The following ITFG1 variants were observed in gnomAD, a reference collection of about 807,000 sequenced individuals.
ITFG1 encodes the protein T-cell immunomodulatory protein.
ITFG1 carries 34 observed loss-of-function variants against 81.8 expected under a neutral mutation model. The ratio of observed to expected loss-of-function variants is 0.42; its 90% confidence interval spans 0.32 to 0.55. ITFG1 has a LOEUF of 0.55. Among genes scored for constraint, ITFG1 ranks in the 20% least tolerant of loss-of-function variants. The probability of loss-of-function intolerance (pLI) is 0.17; values close to 1 mark genes in which losing one functional copy is unlikely to be tolerated. For synonymous variants in ITFG1, 285 were observed against 270.6 expected, an observed-to-expected ratio of 1.05 and a Z score of -0.52; for missense variants, 672 against 755.4, an observed-to-expected ratio of 0.89 and a Z score of 1.29.
At chr16:47,432,108 A>C (rs1236584051) in intron 5 of ITFG1, among the ~76,000 whole-genome samples, 1 of 152,196 alleles carries the variant, frequency 6.6e-6, no homozygotes, top group African/African-American at 2.4e-5. Context: ...CACAATGCCT[A>C]ACCAGGACCT....
chr16:47,269,383 C>A (rs1966311786), intron 10 of ITFG1, among the ~76,000 whole-genome samples: 1 of 150,820 alleles, frequency 6.6e-6, no homozygotes, highest in South Asian at 2.1e-4. Flanking sequence ...GTGGGTCACA[C>A]CTACATGTAA....
At chr16:47,451,697 G>A (rs1031888781) in intron 4 of ITFG1, among the ~76,000 whole-genome samples, 1 of 152,174 alleles carries the variant, frequency 6.6e-6, no homozygotes, top group Non-Finnish European at 1.5e-5. Flanking sequence ...GGCTTGCCAT[G>A]GCAATGAGAA....
rs556501271 is a variant in ITFG1, at chr16:47,435,194, GA to G, written c.561-6297del. 1.4e-4 allele frequency among the ~76,000 whole-genome samples: 21 copies of G among 152,042 alleles called. No homozygotes were observed. The East Asian group carries it at 3.5e-3, about 25-fold the overall frequency. Reference sequence around the variant, plus strand: ...TGTATCCCTGAACTTAAAAGCTAAAGAAAAAAAGTTGCTCTTTGTACAAATT... The same window carrying G: ...TGTATCCCTGAACTTAAAAGCTAAAGAAAAAAGTTGCTCTTTGTACAAATT... On this transcript the variant is annotated intron_variant, in intron 5 of 17. Coordinates refer to ENST00000320640, the MANE Select transcript of ITFG1 (RefSeq NM_030790.5).
intron 14 of ITFG1, among the ~76,000 whole-genome samples, chr16:47,176,746 T>C (rs770861300): frequency 1.3e-5 from 2 of 152,214 alleles, no homozygotes; most frequent in Non-Finnish European, 2.9e-5. Flanking sequence ...CAGGATGGGA[T>C]GGAGAAAGAG....
chr16:47,182,370 T>A (rs535062953), intron 14 of ITFG1, among the ~76,000 whole-genome samples: 2 of 150,644 alleles, frequency 1.3e-5, no homozygotes, highest in African/African-American at 5.0e-5. Context: ...ACAACTGTTA[T>A]TACTTAGGTG....
At chr16:47,292,256 C>T (rs1024025195) in intron 10 of ITFG1, among the ~76,000 whole-genome samples, 1 of 152,180 alleles carries the variant, frequency 6.6e-6, no homozygotes, top group African/African-American at 2.4e-5. Flanking sequence ...TCGTGATCCA[C>T]CTGCCTTGGC....
chr16:47,320,286 A>C (rs2151568172), intron 8 of ITFG1, among the ~76,000 whole-genome samples: 1 of 152,338 alleles, frequency 6.6e-6, no homozygotes, highest in South Asian at 2.1e-4. Context: ...AAAATTAAGA[A>C]AATTATTCTT....
chr16:47,444,375 T>G (rs1969295650), intron 5 of ITFG1, among the ~76,000 whole-genome samples: 2 of 152,184 alleles, frequency 1.3e-5, no homozygotes, highest in South Asian at 4.1e-4. Flanking sequence ...TTCAGTAAAT[T>G]TATGTGCATA....
chr16:47,263,355 GCTACCAAGCCAT>G, intron 10 of ITFG1: 2 of 480,632 alleles, frequency 4.2e-6, no homozygotes, highest in Non-Finnish European at 8.5e-6. Context: ...CATGAGGTAA[GCTACCAAGCCAT>G]CTACCAAGCC....
chr16:47,389,148 C>T (rs1001730150), intron 6 of ITFG1, among the ~76,000 whole-genome samples: 11 of 152,094 alleles, frequency 7.2e-5, no homozygotes, highest in Non-Finnish European at 1.2e-4. Flanking sequence ...GAACCTTTTT[C>T]GGTCTGACTG....
At chr16:47,179,098 G>A (rs1318030941) in intron 14 of ITFG1, among the ~76,000 whole-genome samples, 1 of 152,122 alleles carries the variant, frequency 6.6e-6, no homozygotes, top group Non-Finnish European at 1.5e-5. Flanking sequence ...AGAGGATGTG[G>A]AGAAATAGGA....
intron 8 of ITFG1, among the ~76,000 whole-genome samples, chr16:47,327,353 A>C (rs909182232): frequency 2.0e-5 from 3 of 152,216 alleles, no homozygotes; most frequent in Non-Finnish European, 4.4e-5. Flanking sequence ...TACATGTTAG[A>C]CCTAAAACCA....
Position 47,439,153 on chromosome 16 carries a change from C to A in ITFG1, c.561-10255G>T, listed in dbSNP as rs143815883. Among the ~76,000 whole-genome samples, 7 of 152,172 alleles carry A rather than the reference C, an allele frequency of 4.6e-5. No individual in the cohort carries two copies. In the South Asian group the frequency reaches 6.2e-4, roughly 14 times the overall value. On this transcript the variant is annotated intron_variant, in intron 5 of 17. Transcript: ENST00000320640. ...TTAGAGAAAAAAGAATAGAAAGAAA[C>A]GAGCAAAGCCTCCAAGAAATATGGG...
Position 47,258,849 on chromosome 16 carries a change from T to G in ITFG1, c.1222-109A>C, listed in dbSNP as rs545839777. The G allele has an allele frequency of 7.8e-6, 4 of 511,800 alleles. No homozygotes were observed. The South Asian group carries it at 1.0e-4, about 13-fold the overall frequency. The allele number at this position is 511,800 out of a possible 1,614,324, so 31.7% of individuals were successfully genotyped here. On this transcript the variant is annotated intron_variant, in intron 11 of 17. Transcript: ENST00000320640. ...GTTTATAAAGTAAATGTAGCCTTAT[T>G]TATTCATCCTCATGTTTAAAATAAA...
At position 47,450,178 on chromosome 16, in the gene ITFG1, G is replaced by C. The variant is rs552327919; in HGVS notation, c.560+1218C>G. The C allele has an allele frequency of 2.9e-5, 5 of 171,450 alleles. No individual in the cohort carries two copies. In the South Asian group the frequency reaches 4.3e-4, roughly 15 times the overall value. The allele number at this position is 171,450 out of a possible 1,614,324, so 10.6% of individuals were successfully genotyped here. A position where few individuals can be genotyped will look rare whatever the true frequency, so the allele number is the denominator to read the frequency against. On this transcript the variant is annotated intron_variant, in intron 5 of 17. Coordinates refer to ENST00000320640, the MANE Select transcript of ITFG1 (RefSeq NM_030790.5). The stretch of plus-strand genomic sequence containing the variant: ...CCTGCACTCAATTCCTCTTGGATAC[G>C]GCCACAAAAGCAAATCAGGATCTCC...
At chr16:47,408,908 T>C (rs1214977847) in intron 6 of ITFG1, among the ~76,000 whole-genome samples, 2 of 152,146 alleles carry the variant, frequency 1.3e-5, no homozygotes, top group South Asian at 2.1e-4. Flanking sequence ...ATTTTTACCA[T>C]ATTAAAAATT....
intron 10 of ITFG1, among the ~76,000 whole-genome samples, chr16:47,282,816 A>C (rs1301682087): frequency 6.6e-6 from 1 of 152,066 alleles, no homozygotes; most frequent in Admixed American, 6.6e-5. Flanking sequence ...TTGTGGTTTT[A>C]ATTCTTATTT....
At chr16:47,404,714 AT>A (rs1306047267) in intron 6 of ITFG1, among the ~76,000 whole-genome samples, 3 of 151,612 alleles carry the variant, frequency 2.0e-5, no homozygotes, top group East Asian at 3.9e-4. Flanking sequence ...CTTTTCTGAA[AT>A]TTTTTTTTGC....
intron 16 of ITFG1, 28 bp from the exon 17 acceptor site, chr16:47,159,018 A>G (rs774142916): frequency 1.6e-6 from 2 of 1,215,526 alleles, no homozygotes; most frequent in Non-Finnish European, 2.3e-6. Flanking sequence ...ACAAATTAAA[A>G]TTACAAATTT....
Sources: gnomAD v4.1 joint callset for allele counts (sites outside exome capture counted in the v4.1 genomes callset) on GRCh38, gnomAD v4.1.1 for gene constraint, MANE v1.5 for transcripts, NCBI Gene and HGNC (gene_info 2026-07-23, HGNC 2026-07-21) for gene names.